EEF2K: variants seen among roughly 807,000 people sequenced by gnomAD.
The protein encoded by EEF2K is eukaryotic elongation factor 2 kinase, also known as alternative protein EEF2K.
EEF2K carries 70 observed loss-of-function variants against 93.8 expected under a neutral mutation model. The ratio of observed to expected loss-of-function variants is 0.75; its 90% CI spans 0.62 to 0.91. The LOEUF (loss-of-function observed/expected upper bound fraction) is 0.91, where lower values mean the gene tolerates loss of function less well. Among genes scored for constraint, EEF2K ranks in the 40% least tolerant of loss-of-function variants. EEF2K has a pLI of 0.00. For synonymous variants in EEF2K, 376 were observed against 380.8 expected (o/e 0.99, Z 0.15); for missense variants, 935 against 972.9 (o/e 0.96, Z 0.52).
chr16:22,264,783 C>A, intron 12 of EEF2K, 35 bp from the exon 13 acceptor site: 1 of 1,611,248 alleles, frequency 6.2e-7, no homozygotes, highest in South Asian at 1.1e-5. Flanking sequence ...AGAAGCTTGT[C>A]GCTTTGGATC....
chr16:22,236,933 TC>T (rs1476800647), intron 2 of EEF2K, among the ~76,000 whole-genome samples: 49 of 110,686 alleles, frequency 4.4e-4, no homozygotes, highest in Non-Finnish European at 8.2e-4. Flanking sequence ...TCCACAGACC[TC>T]TTTTTTTTTT....
At chr16:22,281,941 C>T (rs1033166136) in intron 17 of EEF2K, among the ~76,000 whole-genome samples, 1 of 152,072 alleles carries the variant, frequency 6.6e-6, no homozygotes, top group African/African-American at 2.4e-5. Context: ...GCTGCCAAAA[C>T]AAAATACTAT....
chr16:22,266,907 TG>T, intron 15 of EEF2K, 31 bp downstream of exon 15: 2 of 1,577,794 alleles, frequency 1.3e-6, no homozygotes. Flanking sequence ...CAGCTGCAGG[TG>T]GGGGTGGGAC....
chr16:22,227,719 C>T (rs984452996), intron 2 of EEF2K, among the ~76,000 whole-genome samples: 3 of 151,968 alleles, frequency 2.0e-5, no homozygotes, highest in East Asian at 1.9e-4. Flanking sequence ...GACATTCAAG[C>T]GGAGAAACAA....
In EEF2K at chr16:22,226,517, C is replaced by CTTTTTTT. The variant is rs553013823; in HGVS notation, c.246+551_246+557dup. On this transcript the variant is annotated intron_variant, in intron 2 of 17. Transcript: ENST00000263026. Reference sequence around the variant, plus strand: ...CTTTTTCTTTCTTTTCCTTCTTCTTCTTTTTTTTTTTTTTTATAAACGTGG... The same window carrying CTTTTTTT: ...CTTTTTCTTTCTTTTCCTTCTTCTTCTTTTTTTTTTTTTTTTTTTTTTATAAACGTGG... Among the ~76,000 whole-genome samples the CTTTTTTT allele has an allele frequency of 1.4e-4, 15 of 106,898 alleles. 1 individual carries two copies. The highest frequency in any genetic ancestry group is 4.7e-4 in the African/African-American group (11 of 23,622). 70.1% of individuals were successfully genotyped at this position (106,898 alleles called of 152,430 possible).
At chr16:22,250,828 C>T in intron 5 of EEF2K, 137 bp downstream of exon 5, 1 of 1,160,690 alleles carries the variant, frequency 8.6e-7, no homozygotes. Context: ...TCCTGTCCAT[C>T]TAGTCTCCCT....
At position 22,244,780 on chromosome 16, in the gene EEF2K, G is replaced by T. The variant is rs1158463207; in HGVS notation, c.347+50G>T. The T allele has an allele frequency of 7.5e-6, 12 of 1,592,106 alleles. No homozygotes were observed. In the African/African-American group the frequency reaches 1.5e-4, roughly 20 times the overall value. ...AGGAGTCCTGGGGGCTATACGTCCA[G>T]CTTCTGTTCCCAATCAGTGAGGCCT... On this transcript the variant is annotated intron_variant, in intron 3 of 17. Coordinates refer to ENST00000263026, the MANE Select transcript of EEF2K (RefSeq NM_013302.5).
rs72768933 is a variant in EEF2K, at chr16:22,240,160, A to G, written c.247-4470A>G. On this transcript the variant is annotated intron_variant, in intron 2 of 17. Transcript: ENST00000263026. ...AAATTCAGAAAAATGTTTTAGACAT[A>G]CACATGTCTGCTGTGGGGTTATTTA... Among the ~76,000 whole-genome samples, 1,514 of 152,240 alleles carry G rather than the reference A, an allele frequency of 9.9e-3. 16 individuals are homozygous for G. The highest frequency in any genetic ancestry group is 0.015 in the Non-Finnish European group (1,005 of 68,002).
At chr16:22,240,727 C>T (rs2047213427) in intron 2 of EEF2K, among the ~76,000 whole-genome samples, 1 of 152,142 alleles carries the variant, frequency 6.6e-6, no homozygotes, top group Admixed American at 6.6e-5. Context: ...AGATGCACAA[C>T]AGAACATGTG....
intron 1 of EEF2K, among the ~76,000 whole-genome samples, chr16:22,207,027 C>T (rs747596910): frequency 4.6e-4 from 70 of 152,294 alleles, no homozygotes; most frequent in Non-Finnish European, 7.6e-4. Flanking sequence ...CCTTCCTGTC[C>T]CCTGCAGGGC....
intron 1 of EEF2K, among the ~76,000 whole-genome samples, chr16:22,217,224 T>TAGAGAG (rs1297604446): frequency 4.3e-5 from 5 of 115,346 alleles, no homozygotes; most frequent in African/African-American, 7.6e-5. Context: ...TATAGATAGA[T>TAGAGAG]AGATAGAGAG....
intron 1 of EEF2K, among the ~76,000 whole-genome samples, chr16:22,222,901 A>T (rs1473527123): frequency 2.1e-5 from 3 of 140,616 alleles, no homozygotes; most frequent in Non-Finnish European, 4.6e-5. Flanking sequence ...AGATAGTACA[A>T]TTCAATGGTA....
intron 9 of EEF2K, among the ~76,000 whole-genome samples, chr16:22,258,131 C>T (rs1311207171): frequency 6.6e-6 from 1 of 152,032 alleles, no homozygotes; most frequent in Non-Finnish European, 1.5e-5. Context: ...GGCACCTCAC[C>T]AACATACCTC....
In EEF2K at chr16:22,284,766, G is replaced by C. The variant is rs2047738158; in HGVS notation, c.*770G>C. 6.6e-6 allele frequency: 1 copy of C among 152,076 alleles called. No individual in the cohort carries two copies. Among genetic ancestry groups the C allele is most frequent in the Non-Finnish European group, 1.5e-5 (1 of 68,022 alleles). 9.4% of individuals were successfully genotyped at this position (152,076 alleles called of 1,614,324 possible). A position where few individuals can be genotyped will look rare whatever the true frequency, so the allele number is the denominator to read the frequency against. ...CGGGATGAGAAATGAAGCACTTCAC[G>C]CTGGCTTTCCTAAGTCACGGGGCGT... On this transcript the variant is annotated 3_prime_UTR_variant, in exon 18 of 18. Coordinates refer to ENST00000263026, the MANE Select transcript of EEF2K (RefSeq NM_013302.5).
intron 13 of EEF2K, among the ~76,000 whole-genome samples, chr16:22,265,666 G>A (rs568478621): frequency 3.9e-5 from 6 of 152,234 alleles, no homozygotes; most frequent in Admixed American, 1.3e-4. Flanking sequence ...ATCGTTCCTT[G>A]TTGAGGGGGC....
chr16:22,263,196 C>A lies in EEF2K; in HGVS notation c.1377+9C>A, dbSNP rs2047483807. ...CTGAGCCCCGAGAACATGTAAGGAACCCCCAGGAAATGAGACCGGTGTCAC... is the reference window on the plus strand; with the variant it reads ...CTGAGCCCCGAGAACATGTAAGGAAACCCCAGGAAATGAGACCGGTGTCAC... On this transcript the variant is annotated intron_variant, in intron 12 of 17. Coordinates refer to ENST00000263026, the MANE Select transcript of EEF2K (RefSeq NM_013302.5). The A allele has an allele frequency of 1.9e-6, 3 of 1,607,770 alleles. No individual in the cohort carries two copies. Among genetic ancestry groups the A allele is most frequent in the Non-Finnish European group, 1.7e-6 (2 of 1,177,112 alleles).
chr16:22,256,943 G>T (rs2047407861), intron 7 of EEF2K, 46 bp downstream of exon 7: 1 of 1,607,966 alleles, frequency 6.2e-7, no homozygotes, highest in African/African-American at 1.3e-5. Context: ...CAGCCCTTGG[G>T]GTGAGATCCT....
chr16:22,243,684 G>A (rs1050800680), intron 2 of EEF2K, among the ~76,000 whole-genome samples: 1 of 151,706 alleles, frequency 6.6e-6, no homozygotes, highest in South Asian at 2.1e-4. Flanking sequence ...CACTTTGGGA[G>A]GCCGAGGCTG....
intron 2 of EEF2K, among the ~76,000 whole-genome samples, chr16:22,243,877 T>A (rs1417882182): frequency 7.2e-6 from 1 of 139,544 alleles, no homozygotes; most frequent in Non-Finnish European, 1.5e-5. Flanking sequence ...GAGCCGAGAT[T>A]GCACCACTGC....
Sources: gnomAD v4.1 joint callset for allele counts (sites outside exome capture counted in the v4.1 genomes callset) on GRCh38, gnomAD v4.1.1 for gene constraint, MANE v1.5 for transcripts, NCBI Gene and HGNC (gene_info 2026-07-23, HGNC 2026-07-21) for gene names.